AFG2A: variants seen among roughly 807,000 people sequenced by gnomAD.
AFG2A encodes the protein AAA ATPase AFG2A, also known as ATPase family gene 2 protein homolog A.
chr4:122,959,546 C>G, the AFG2A span, among the ~76,000 whole-genome samples: 1 of 152,176 alleles, frequency 6.6e-6, no homozygotes, highest in African/African-American at 2.4e-5. Flanking sequence ...TGGACTGCCG[C>G]ATAGTGAAGG....
chr4:123,314,177 G>C, the AFG2A span: 2 of 858,270 alleles, frequency 2.3e-6, no homozygotes, highest in Non-Finnish European at 3.3e-6. Flanking sequence ...TTTGAAGTAT[G>C]TTCAGTAGAA....
the AFG2A span, among the ~76,000 whole-genome samples, chr4:123,132,511 A>G: frequency 5.3e-5 from 8 of 150,920 alleles, no homozygotes; most frequent in African/African-American, 1.7e-4. Flanking sequence ...GTGTGTATAC[A>G]TATATGTACA....
the AFG2A span, among the ~76,000 whole-genome samples, chr4:123,081,632 C>T: frequency 6.6e-6 from 1 of 152,104 alleles, no homozygotes; most frequent in East Asian, 1.9e-4. Context: ...GTTTTCTATT[C>T]CTTTTGATAA....
the AFG2A span, among the ~76,000 whole-genome samples, chr4:123,227,189 G>T: frequency 6.6e-6 from 1 of 152,040 alleles, no homozygotes; most frequent in Non-Finnish European, 1.5e-5. Context: ...TTTTTGAAAG[G>T]TTTTTTGTGT....
chr4:122,986,639 G>A, the AFG2A span, among the ~76,000 whole-genome samples: 5 of 152,106 alleles, frequency 3.3e-5, no homozygotes, highest in African/African-American at 9.7e-5. Context: ...CAAATAAGGT[G>A]CAGTGTACAC....
At chr4:122,923,103 G>C in the AFG2A span, 8 of 1,611,434 alleles carry the variant, frequency 5.0e-6, no homozygotes, top group East Asian at 1.8e-4. Flanking sequence ...CGCACATTGA[G>C]TCGGCTTTTC....
chr4:123,044,027 C>A, the AFG2A span, among the ~76,000 whole-genome samples: 2 of 152,210 alleles, frequency 1.3e-5, no homozygotes, highest in Non-Finnish European at 1.5e-5. Flanking sequence ...GTAGCCATTG[C>A]TTTGATTGTG....
At chr4:122,936,674 G>A in the AFG2A span, among the ~76,000 whole-genome samples, 1 of 151,958 alleles carries the variant, frequency 6.6e-6, no homozygotes, top group African/African-American at 2.4e-5. Flanking sequence ...GTGGGACCCT[G>A]TCTGTTTAAA....
chr4:123,318,493 C>G, the AFG2A span: 12 of 152,176 alleles, frequency 7.9e-5, no homozygotes, highest in African/African-American at 2.9e-4. Context: ...AGCTTGTTCC[C>G]TTTTTACAAA....
At chr4:123,083,559 C>CTTTT in the AFG2A span, among the ~76,000 whole-genome samples, 3 of 132,886 alleles carry the variant, frequency 2.3e-5, no homozygotes, top group South Asian at 2.5e-4. Flanking sequence ...TATAATTATT[C>CTTTT]TTTTTTTTTT....
At chr4:122,936,518 T>C in the AFG2A span, among the ~76,000 whole-genome samples, 1 of 152,194 alleles carries the variant, frequency 6.6e-6, no homozygotes, top group Non-Finnish European at 1.5e-5. Flanking sequence ...TATGTTATAC[T>C]TTGCTTCAAA....
At chr4:123,082,906 AT>A in the AFG2A span, among the ~76,000 whole-genome samples, 4 of 151,864 alleles carry the variant, frequency 2.6e-5, no homozygotes, top group African/African-American at 7.3e-5. Context: ...GTTATAACTC[AT>A]TTTTTTGGGG....
At chr4:123,084,882 C>T in the AFG2A span, among the ~76,000 whole-genome samples, 41 of 152,232 alleles carry the variant, frequency 2.7e-4, no homozygotes, top group Middle Eastern at 3.4e-3. Flanking sequence ...CCTTCCACCT[C>T]GGCCTCCCAA....
the AFG2A span, among the ~76,000 whole-genome samples, chr4:123,233,128 G>A: frequency 1.3e-5 from 2 of 151,918 alleles, no homozygotes; most frequent in Non-Finnish European, 2.9e-5. Flanking sequence ...AGTGTTAATC[G>A]CATGACCCAC....
At chr4:123,016,473 C>T in the AFG2A span, among the ~76,000 whole-genome samples, 11 of 150,194 alleles carry the variant, frequency 7.3e-5, no homozygotes, top group Non-Finnish European at 3.0e-5. Flanking sequence ...GTGCTCCTCA[C>T]ATCCCAGACG....
At chr4:123,191,339 G>A in the AFG2A span, among the ~76,000 whole-genome samples, 2 of 146,194 alleles carry the variant, frequency 1.4e-5, no homozygotes, top group African/African-American at 2.5e-5. Flanking sequence ...TTGAGCATAT[G>A]CAGCTAAACC....
At chr4:123,105,834 G>A in the AFG2A span, among the ~76,000 whole-genome samples, 7 of 152,330 alleles carry the variant, frequency 4.6e-5, no homozygotes, top group South Asian at 1.2e-3. Context: ...CAAATAAAGT[G>A]ATTTCTTGAG....
chr4:122,941,385 CTT>C, the AFG2A span, among the ~76,000 whole-genome samples: 163 of 152,046 alleles, frequency 1.1e-3, no homozygotes, highest in African/African-American at 3.6e-3. Context: ...ATTTTATTCT[CTT>C]TGAAGCAATT....
the AFG2A span, among the ~76,000 whole-genome samples, chr4:123,117,394 A>C: frequency 1.3e-5 from 2 of 151,300 alleles, no homozygotes; most frequent in South Asian, 4.2e-4. Flanking sequence ...AAATGTGTTT[A>C]CATTGCTTTC....
Sources: gnomAD v4.1 joint callset for allele counts (sites outside exome capture counted in the v4.1 genomes callset) on GRCh38, gnomAD v4.1.1 for gene constraint, MANE v1.5 for transcripts, NCBI Gene and HGNC (gene_info 2026-07-23, HGNC 2026-07-21) for gene names.